KAZN: variants seen among roughly 807,000 people sequenced by gnomAD.
The protein encoded by KAZN is kazrin, periplakin interacting protein.
Under a neutral mutation model 87.4 loss-of-function variants are expected in KAZN, and 40 were observed. The observed-to-expected ratio is 0.46, with a 90% confidence interval of 0.36 to 0.60. KAZN has a LOEUF of 0.60. Ranked by LOEUF, KAZN falls within the 20% of genes least tolerant of loss-of-function variation. The pLI, the probability that KAZN is intolerant of heterozygous loss-of-function variation, is 0.00. For missense variants in KAZN, 898 were observed against 1,073.9 expected (o/e 0.84, Z 2.29); for synonymous variants, 466 against 458.3 (o/e 1.02, Z -0.22).
intron 2 of KAZN, among the ~76,000 whole-genome samples, chr1:14,976,705 C>T (rs10927608): frequency 0.19 from 28,444 of 152,074 alleles, 2,969 homozygotes; most frequent in African/African-American, 0.26. Context: ...GGGACATGGA[C>T]TCTCCCCCTG....
intron 2 of KAZN, among the ~76,000 whole-genome samples, chr1:14,519,276 T>C (rs1671456877): frequency 6.6e-6 from 1 of 152,086 alleles, no homozygotes; most frequent in Non-Finnish European, 1.5e-5. Context: ...AGCTGCAGTT[T>C]TGTAGTTTGC....
At chr1:14,250,151 CAT>C (rs1352332042) in intron 2 of KAZN, among the ~76,000 whole-genome samples, 16 of 152,158 alleles carry the variant, frequency 1.1e-4, no homozygotes, top group Admixed American at 1.3e-4. Context: ...CCTTTATACA[CAT>C]GTTTATTCAG....
intron 1 of KAZN, among the ~76,000 whole-genome samples, chr1:14,634,908 G>T (rs1679846370): frequency 6.6e-6 from 1 of 152,108 alleles, no homozygotes; most frequent in South Asian, 2.1e-4. Flanking sequence ...GAGGTAAATG[G>T]CTCAGGAATT....
intron 2 of KAZN, among the ~76,000 whole-genome samples, chr1:14,972,762 A>G (rs185693564): frequency 9.2e-4 from 140 of 152,114 alleles, no homozygotes; most frequent in African/African-American, 3.2e-3. Flanking sequence ...TGATTCGCCC[A>G]CTGTGGCCTC....
At chr1:14,411,843 T>TTATTA (rs541119862) in intron 2 of KAZN, among the ~76,000 whole-genome samples, 137 of 152,190 alleles carry the variant, frequency 9.0e-4, no homozygotes, top group African/African-American at 3.2e-3. Context: ...AAAAAGAAAG[T>TTATTA]CTATGAGTTA....
intron 1 of KAZN, among the ~76,000 whole-genome samples, chr1:14,014,143 C>A (rs564379724): frequency 6.6e-5 from 10 of 151,986 alleles, no homozygotes; most frequent in Admixed American, 2.6e-4. Flanking sequence ...TTTTTTTTCG[C>A]TATACCACAA....
intron 1 of KAZN, among the ~76,000 whole-genome samples, chr1:14,825,821 C>T (rs780465427): frequency 6.6e-6 from 1 of 152,202 alleles, no homozygotes; most frequent in Non-Finnish European, 1.5e-5. Context: ...GTGTCCACTG[C>T]AAGGCCTCTG....
At chr1:14,140,660 T>C (rs1645214888) in intron 1 of KAZN, among the ~76,000 whole-genome samples, 1 of 152,194 alleles carries the variant, frequency 6.6e-6, no homozygotes, top group Admixed American at 6.5e-5. Flanking sequence ...AGACCTGCTT[T>C]GCCTGTAGTT....
At chr1:14,413,611 A>C (rs1048490957) in intron 2 of KAZN, among the ~76,000 whole-genome samples, 1 of 150,710 alleles carries the variant, frequency 6.6e-6, no homozygotes, top group Admixed American at 6.6e-5. Flanking sequence ...AAAAAAAAAA[A>C]AAAAAAAACG....
chr1:15,076,060 G>T (rs189191205), intron 8 of KAZN, among the ~76,000 whole-genome samples: 2 of 152,194 alleles, frequency 1.3e-5, no homozygotes, highest in African/African-American at 4.8e-5. Flanking sequence ...TGTCTGTGGA[G>T]GCGGTGTGGA....
chr1:14,559,068 C>T (rs575439304), intron 2 of KAZN, among the ~76,000 whole-genome samples: 1 of 152,286 alleles, frequency 6.6e-6, no homozygotes, highest in South Asian at 2.1e-4. Context: ...TCTTTTAGCT[C>T]AAGCACCTCC....
chr1:14,545,913 C>G (rs1045180628), intron 2 of KAZN, among the ~76,000 whole-genome samples: 2 of 152,112 alleles, frequency 1.3e-5, no homozygotes, highest in Non-Finnish European at 2.9e-5. Context: ...CCACTTAGCC[C>G]CACTGAGACA....
intron 1 of KAZN, among the ~76,000 whole-genome samples, chr1:14,724,395 T>C (rs1372132789): frequency 6.6e-6 from 1 of 152,116 alleles, no homozygotes; most frequent in East Asian, 1.9e-4. Context: ...GGGATTAGAG[T>C]CCCCTTGCAC....
Position 14,883,341 on chromosome 1 carries a change from A to AGAGAGAGAGAGAGAGAGAGAAAGAAAG in KAZN, c.227-77341_227-77340insGAGAGAGAGAGAGAGAGAAAGAAAGGA, listed in dbSNP as rs1553150560. On this transcript the variant is annotated intron_variant, in intron 1 of 14. Coordinates refer to ENST00000376030, the MANE Select transcript of KAZN (RefSeq NM_201628.3). The stretch of plus-strand genomic sequence containing the variant: ...GAAAGAGAGAGAGAGAGAGAGAGAG[A>AGAGAGAGAGAGAGAGAGAGAAAGAAAG]GAAAGAAAGAAAGAAAAGAAAGAAA... Among the ~76,000 whole-genome samples the AGAGAGAGAGAGAGAGAGAGAAAGAAAG allele has an allele frequency of 4.1e-4, 12 of 29,542 alleles. 3 individuals are homozygous for AGAGAGAGAGAGAGAGAGAGAAAGAAAG. Among genetic ancestry groups the AGAGAGAGAGAGAGAGAGAGAAAGAAAG allele is most frequent in the East Asian group, 2.9e-3 (1 of 342 alleles). 19.4% of individuals were successfully genotyped at this position (29,542 alleles called of 152,430 possible). A position where few individuals can be genotyped will look rare whatever the true frequency, so the allele number is the denominator to read the frequency against.
intron 2 of KAZN, among the ~76,000 whole-genome samples, chr1:14,423,204 G>C (rs1479987143): frequency 6.6e-6 from 1 of 152,152 alleles, no homozygotes; most frequent in African/African-American, 2.4e-5. Flanking sequence ...TGGACTGAGA[G>C]ACAGGAAGCT....
chr1:14,409,509 C>G (rs1047013769), intron 2 of KAZN, among the ~76,000 whole-genome samples: 9 of 152,126 alleles, frequency 5.9e-5, no homozygotes, highest in African/African-American at 2.2e-4. Context: ...CTCACATAAG[C>G]TCAAATTTAT....
At chr1:15,053,197 G>A (rs1674599302) in intron 4 of KAZN, among the ~76,000 whole-genome samples, 2 of 152,240 alleles carry the variant, frequency 1.3e-5, no homozygotes, top group African/African-American at 4.8e-5. Context: ...AAGACTGCGA[G>A]TGTAGCAGTG....
intron 1 of KAZN, among the ~76,000 whole-genome samples, chr1:13,976,878 G>A (rs576387960): frequency 6.6e-6 from 1 of 152,270 alleles, no homozygotes; most frequent in Non-Finnish European, 1.5e-5. Context: ...AAAAAGTGCA[G>A]TGCTAGTCAG....
intron 2 of KAZN, among the ~76,000 whole-genome samples, chr1:14,525,758 A>T (rs563912652): frequency 3.3e-5 from 5 of 152,382 alleles, no homozygotes; most frequent in African/African-American, 1.2e-4. Flanking sequence ...AAGAATCAAA[A>T]TATGGCATAT....
Sources: gnomAD v4.1 joint callset for allele counts (sites outside exome capture counted in the v4.1 genomes callset) on GRCh38, gnomAD v4.1.1 for gene constraint, MANE v1.5 for transcripts, NCBI Gene and HGNC (gene_info 2026-07-23, HGNC 2026-07-21) for gene names.